Variants in LMO7 observed in about 807,000 individuals in gnomAD.
LMO7 encodes the protein LIM domain 7, also known as LIM domain only protein 7.
LMO7 carries 120 observed loss-of-function variants against 206.5 expected under a neutral mutation model. That is an observed-to-expected ratio of 0.58 (90% confidence interval 0.50 to 0.68). The LOEUF (loss-of-function observed/expected upper bound fraction) is 0.68. Ranked by LOEUF, LMO7 falls within the 30% of genes least tolerant of loss-of-function variation. LMO7 has a pLI of 0.00. For missense variants in LMO7, 1,959 were observed against 1,957.9 expected (o/e 1.00, Z -0.01); for synonymous variants, 706 against 681.5 (o/e 1.04, Z -0.56).
intron 19 of LMO7, among the ~76,000 whole-genome samples, chr13:75,837,582 C>T (rs923063025): frequency 3.3e-5 from 5 of 152,048 alleles, no homozygotes; most frequent in African/African-American, 9.7e-5. Context: ...ACTCCATTTG[C>T]TTTACTTAAT....
chr13:75,742,158 C>A (rs960861901), intron 3 of LMO7, among the ~76,000 whole-genome samples: 1 of 152,150 alleles, frequency 6.6e-6, no homozygotes, highest in Non-Finnish European at 1.5e-5. Context: ...CGTAGGAATA[C>A]AGCTAACCAG....
At chr13:75,643,257 T>A (rs2036722239) in intron 1 of LMO7, among the ~76,000 whole-genome samples, 1 of 152,228 alleles carries the variant, frequency 6.6e-6, no homozygotes, top group Non-Finnish European at 1.5e-5. Context: ...TAAGACTGGT[T>A]CTCAACATAC....
Position 75,833,173 on chromosome 13 carries a change from A to G in LMO7, c.3064+8A>G. The G allele has an allele frequency of 6.9e-7, 1 of 1,450,720 alleles. No individual in the cohort carries two copies. The highest frequency in any genetic ancestry group is 9.7e-7 in the Non-Finnish European group (1 of 1,031,092). 89.9% of individuals were successfully genotyped at this position (1,450,720 alleles called of 1,614,324 possible). On this transcript the variant is annotated splice_region_variant and intron_variant, in intron 16 of 30. Coordinates refer to ENST00000377534, the MANE Select transcript of LMO7 (RefSeq NM_001306080.2). ...TAGCATCAGTTGAAGCAGGTAAATTATGTGTTTAGCTCTACTGAATTTTCT... is the reference window on the plus strand; with the variant it reads ...TAGCATCAGTTGAAGCAGGTAAATTGTGTGTTTAGCTCTACTGAATTTTCT...
intron 27 of LMO7, among the ~76,000 whole-genome samples, 178 bp from the exon 28 acceptor site, chr13:75,852,914 A>G (rs1386652802): frequency 3.3e-5 from 5 of 152,188 alleles, no homozygotes; most frequent in African/African-American, 1.2e-4. Context: ...TGATGGGTTT[A>G]TTGAGACATA....
chr13:75,719,456 C>T (rs1460150794), intron 2 of LMO7, among the ~76,000 whole-genome samples: 4 of 152,118 alleles, frequency 2.6e-5, no homozygotes, highest in African/African-American at 9.7e-5. Context: ...AATCTCATGT[C>T]AAATTGTAAT....
chr13:75,805,189 C>A (rs1365466048), intron 8 of LMO7: 17 of 1,219,428 alleles, frequency 1.4e-5, no homozygotes, highest in Non-Finnish European at 1.6e-5. Context: ...GTCTATTATG[C>A]TGCTGATTTT....
At chr13:75,783,028 T>A (rs939468037) in intron 4 of LMO7, among the ~76,000 whole-genome samples, 2 of 152,230 alleles carry the variant, frequency 1.3e-5, no homozygotes, top group African/African-American at 4.8e-5. Flanking sequence ...AAATTTTCAG[T>A]ATTTTAAAGT....
chr13:75,733,275 C>T (rs962711213), intron 3 of LMO7, among the ~76,000 whole-genome samples: 3 of 152,234 alleles, frequency 2.0e-5, no homozygotes, highest in African/African-American at 7.2e-5. Flanking sequence ...GTGGTGGGCT[C>T]CACCCAGTTT....
intron 1 of LMO7, among the ~76,000 whole-genome samples, chr13:75,662,738 C>T (rs1279652555): frequency 6.6e-6 from 1 of 152,182 alleles, no homozygotes; most frequent in Non-Finnish European, 1.5e-5. Context: ...CCTCATTTAC[C>T]TTTACATTCT....
intron 26 of LMO7, among the ~76,000 whole-genome samples, chr13:75,848,664 G>A (rs2060215714): frequency 6.6e-6 from 1 of 151,184 alleles, no homozygotes. Context: ...TTGATTGATG[G>A]GCATTTGGGT....
At chr13:75,760,524 A>G (rs931386510) in intron 3 of LMO7, 1 of 1,276,786 alleles carries the variant, frequency 7.8e-7, no homozygotes, top group African/African-American at 1.5e-5. Flanking sequence ...TGGGTGGGTG[A>G]ATGTCAGTAG....
intron 1 of LMO7, among the ~76,000 whole-genome samples, chr13:75,694,601 A>G (rs530288266): frequency 6.6e-6 from 1 of 152,260 alleles, no homozygotes; most frequent in East Asian, 1.9e-4. Flanking sequence ...AGAGAATTAC[A>G]TGGATTTGGA....
chr13:75,783,475 A>T (rs181002122), intron 4 of LMO7, among the ~76,000 whole-genome samples: 1 of 152,006 alleles, frequency 6.6e-6, no homozygotes, highest in Non-Finnish European at 1.5e-5. Context: ...AGGCCTCACC[A>T]CCATGCCCAG....
chr13:75,726,690 A>G (rs2044503304), intron 2 of LMO7, among the ~76,000 whole-genome samples: 1 of 152,148 alleles, frequency 6.6e-6, no homozygotes, highest in South Asian at 2.1e-4. Flanking sequence ...AGTGAGATAA[A>G]TTATGATGAA....
intron 3 of LMO7, among the ~76,000 whole-genome samples, chr13:75,736,297 G>A (rs1354747593): frequency 1.3e-5 from 2 of 152,182 alleles, no homozygotes; most frequent in African/African-American, 4.8e-5. Flanking sequence ...TGCAGAACTG[G>A]GCTAAGCCCA....
chr13:75,698,426 A>T (rs150748884), intron 1 of LMO7, among the ~76,000 whole-genome samples: 294 of 152,082 alleles, frequency 1.9e-3, no homozygotes, highest in African/African-American at 5.7e-3. Flanking sequence ...AGTAGTTGGG[A>T]CTACAGACAT....
chr13:75,638,684 AGT>A (rs1398275622), intron 1 of LMO7, among the ~76,000 whole-genome samples: 1 of 152,198 alleles, frequency 6.6e-6, no homozygotes, highest in Non-Finnish European at 1.5e-5. Flanking sequence ...AAATGACCAC[AGT>A]GTGCTCACTG....
rs541983545 is a variant in LMO7, at chr13:75,768,021, G to A, written c.317+6983G>A. ...GAACTTGGCAAATCATATCATTTGG[G>A]TGATACCCCTACCTCACAAAGATGT... On this transcript the variant is annotated intron_variant, in intron 4 of 30. Coordinates refer to ENST00000377534, the MANE Select transcript of LMO7 (RefSeq NM_001306080.2). Among the ~76,000 whole-genome samples the A allele has an allele frequency of 2.0e-5, 3 of 152,154 alleles. No individual in the cohort carries two copies. In the South Asian group the frequency reaches 6.2e-4, roughly 32 times the overall value.
intron 1 of LMO7, among the ~76,000 whole-genome samples, chr13:75,640,032 C>A (rs943244043): frequency 1.3e-5 from 2 of 152,244 alleles, no homozygotes; most frequent in African/African-American, 2.4e-5. Flanking sequence ...CTGTTCACCA[C>A]CTTTTAACTT....
Sources: allele counts gnomAD v4.1 joint callset (sites outside exome capture counted in the v4.1 genomes callset), GRCh38; gene constraint gnomAD v4.1.1; transcripts MANE v1.5; gene names NCBI Gene and HGNC (gene_info 2026-07-23, HGNC 2026-07-21).